Variants in AZI2 observed in about 807,000 individuals in gnomAD.
The protein encoded by AZI2 is 5-azacytidine-induced protein 2.
A neutral mutation model predicts 45.8 loss-of-function variants in AZI2; 22 were observed. The observed-to-expected ratio is 0.48, with a 90% CI of 0.34 to 0.69. AZI2 has a LOEUF of 0.69. Among genes scored for constraint, AZI2 ranks in the 30% least tolerant of loss-of-function variants. The probability of loss-of-function intolerance (pLI) is 0.01; values close to 1 mark genes in which losing one functional copy is unlikely to be tolerated. For synonymous variants in AZI2, 137 were observed against 156.7 expected (o/e 0.87, Z 0.94); for missense variants, 417 against 441.5 (o/e 0.94, Z 0.50).
chr3:28,327,142 C>T (rs568187480), intron 6 of AZI2, 192 bp from the exon 7 acceptor site: 1 of 528,118 alleles, frequency 1.9e-6, no homozygotes, highest in East Asian at 3.3e-5. Context: ...TAACACTGTC[C>T]ATCTGATATG....
chr3:28,326,214 C>G (rs1253505878), intron 7 of AZI2, among the ~76,000 whole-genome samples: 1 of 150,884 alleles, frequency 6.6e-6, no homozygotes, highest in African/African-American at 2.4e-5. Flanking sequence ...GCGAAAGTAG[C>G]TACTACTAGT....
At chr3:28,333,852 T>C (rs942368420) in intron 5 of AZI2, among the ~76,000 whole-genome samples, 1 of 151,758 alleles carries the variant, frequency 6.6e-6, no homozygotes. Flanking sequence ...TATAGGTTTC[T>C]ATACTATAGC....
Position 28,340,618 on chromosome 3 carries a change from G to T in AZI2, c.-1C>A. 6.3e-7 allele frequency: 1 copy of T among 1,592,474 alleles called. No individual in the cohort carries two copies. The highest frequency in any genetic ancestry group is 1.2e-5 in the South Asian group (1 of 86,152). On this transcript the variant is annotated 5_prime_UTR_variant, in exon 2 of 8. Coordinates refer to ENST00000479665, the MANE Select transcript of AZI2 (RefSeq NM_022461.5). Reference sequence around the variant, plus strand: ...TATCATCTTCTACCAGTGCATCCATGACAACTGTTTAAAAGAAAAAAAATA... The same window carrying T: ...TATCATCTTCTACCAGTGCATCCATTACAACTGTTTAAAAGAAAAAAAATA...
chr3:28,330,925 T>A (rs1428939772), intron 6 of AZI2, among the ~76,000 whole-genome samples: 1 of 151,410 alleles, frequency 6.6e-6, no homozygotes, highest in Admixed American at 6.6e-5. Context: ...CTTTAAAGAA[T>A]TGCGAGACTA....
chr3:28,337,885 T>C, intron 4 of AZI2, 52 bp downstream of exon 4: 1 of 1,190,208 alleles, frequency 8.4e-7, no homozygotes, highest in Non-Finnish European at 1.2e-6. Flanking sequence ...TACAAATAAA[T>C]GGAAAAATAT....
At chr3:28,347,296 A>T (rs891804296) in intron 1 of AZI2, among the ~76,000 whole-genome samples, 1 of 152,228 alleles carries the variant, frequency 6.6e-6, no homozygotes, top group Admixed American at 6.5e-5. Flanking sequence ...CCAAGCGTTT[A>T]TGGTATACCA....
At chr3:28,331,788 T>G in intron 6 of AZI2, 2 of 1,521,578 alleles carry the variant, frequency 1.3e-6, no homozygotes, top group Non-Finnish European at 1.8e-6. Flanking sequence ...AACACAGAAT[T>G]GAAGTTACTT....
chr3:28,333,894 A>C (rs1703686227), intron 5 of AZI2, among the ~76,000 whole-genome samples: 1 of 151,550 alleles, frequency 6.6e-6, no homozygotes, highest in African/African-American at 2.4e-5. Context: ...TACACTGTGA[A>C]TCTCTAACTG....
In AZI2 at chr3:28,324,048, C is replaced by T; in HGVS notation, c.1173G>A (p.Lys391=). Residue 391 remains lysine (K), a synonymous_variant, in exon 8 of 8, where the codon AAG becomes AAA. Coordinates refer to ENST00000479665, the MANE Select transcript of AZI2 (RefSeq NM_022461.5). ...LDQHNQNCLY[K]N ...ATCGTGAATCTCTTCCAAATTAATT[C>T]TTATAAAGGCAGTTCTGATTATGTT... 1 of 1,601,132 alleles carries T rather than the reference C, an allele frequency of 6.2e-7. No individual in the cohort carries two copies. Among genetic ancestry groups the T allele is most frequent in the Non-Finnish European group, 8.5e-7 (1 of 1,171,334 alleles).
chr3:28,329,521 A>G (rs1703499991), intron 6 of AZI2, among the ~76,000 whole-genome samples: 1 of 151,224 alleles, frequency 6.6e-6, no homozygotes, highest in Non-Finnish European at 1.5e-5. Context: ...TCCTGCTTAC[A>G]AAGTGTAACA....
intron 6 of AZI2, among the ~76,000 whole-genome samples, chr3:28,330,275 C>G (rs1227013214): frequency 6.6e-6 from 1 of 151,226 alleles, no homozygotes; most frequent in Non-Finnish European, 1.5e-5. Flanking sequence ...AAGGTTCACT[C>G]TATCTTAAGA....
chr3:28,342,679 C>CAT (rs1463692908), intron 1 of AZI2, among the ~76,000 whole-genome samples: 16 of 149,844 alleles, frequency 1.1e-4, no homozygotes, highest in African/African-American at 3.9e-4. Context: ...TGAAAGTATG[C>CAT]ATATATATCT....
Position 28,323,358 on chromosome 3 carries a change from T to C in AZI2, c.*684A>G, listed in dbSNP as rs1304528793. 6.7e-6 allele frequency: 1 copy of C among 150,316 alleles called. No homozygotes were observed. Among genetic ancestry groups the C allele is most frequent in the Non-Finnish European group, 1.5e-5 (1 of 66,956 alleles). 9.3% of individuals were successfully genotyped at this position (150,316 alleles called of 1,614,324 possible). On this transcript the variant is annotated 3_prime_UTR_variant, in exon 8 of 8. Coordinates refer to ENST00000479665, the MANE Select transcript of AZI2 (RefSeq NM_022461.5). Reference sequence around the variant, plus strand: ...CCAGAGTTTTTCAACTATTTCATTTTTTTTTTTTTTTTTCCCAATTAGGAC... The same window carrying C: ...CCAGAGTTTTTCAACTATTTCATTTCTTTTTTTTTTTTTCCCAATTAGGAC...
chr3:28,335,195 A>T (rs781303100), intron 5 of AZI2, among the ~76,000 whole-genome samples: 3 of 152,070 alleles, frequency 2.0e-5, no homozygotes, highest in Non-Finnish European at 4.4e-5. Flanking sequence ...TTAACAGTTA[A>T]TAAGCAACAC....
intron 3 of AZI2, 52 bp from the exon 4 acceptor site, chr3:28,338,088 G>T (rs1255896059): frequency 9.5e-7 from 1 of 1,057,522 alleles, no homozygotes; most frequent in Non-Finnish European, 1.3e-6. Flanking sequence ...CTACACGTTG[G>T]TATATTGTAA....
rs908523977 is a variant in AZI2, at chr3:28,323,149, T to G, written c.*893A>C. 6.6e-6 allele frequency: 1 copy of G among 150,894 alleles called. No homozygotes were observed. Among genetic ancestry groups the G allele is most frequent in the Non-Finnish European group, 1.5e-5 (1 of 67,292 alleles). The allele number at this position is 150,894 out of a possible 1,614,324, so 9.3% of individuals were successfully genotyped here. On this transcript the variant is annotated 3_prime_UTR_variant, in exon 8 of 8. Transcript: ENST00000479665. ...ACATTTCAACACAAAGTCTAACAATTTAGAAGCTGCTCTACACAATGTGCA... is the reference window on the plus strand; with the variant it reads ...ACATTTCAACACAAAGTCTAACAATGTAGAAGCTGCTCTACACAATGTGCA...
chr3:28,331,768 G>GATA, intron 6 of AZI2: 1 of 1,482,702 alleles, frequency 6.7e-7, no homozygotes. Context: ...ACAATTATTA[G>GATA]ATAGCTTAAA....
At chr3:28,340,287 A>T in intron 2 of AZI2, 115 bp downstream of exon 2, 1 of 713,536 alleles carries the variant, frequency 1.4e-6, no homozygotes, top group Non-Finnish European at 2.3e-6. Context: ...GCAGTGAGTT[A>T]TTCTTGGAAA....
chr3:28,332,044 A>G (rs1703599831), intron 6 of AZI2: 1 of 743,476 alleles, frequency 1.3e-6, no homozygotes, highest in South Asian at 1.7e-5. Flanking sequence ...AAGGAATGTT[A>G]TTATATATAA....
Sources: allele counts gnomAD v4.1 joint callset (sites outside exome capture counted in the v4.1 genomes callset), GRCh38; gene constraint gnomAD v4.1.1; transcripts MANE v1.5; gene names NCBI Gene and HGNC (gene_info 2026-07-23, HGNC 2026-07-21).